STK10: variants seen among roughly 807,000 people sequenced by gnomAD.
STK10 encodes serine/threonine-protein kinase 10.
In STK10, 78 loss-of-function variants were observed where a neutral mutation model predicts 113.8. The observed-to-expected ratio is 0.69, with a 90% CI of 0.57 to 0.83. The LOEUF (loss-of-function observed/expected upper bound fraction) is 0.83, where lower values mean the gene tolerates loss of function less well. STK10 is among the 40% of genes least tolerant of loss of function. The probability of loss-of-function intolerance (pLI) is 0.00; values close to 1 mark genes in which losing one functional copy is unlikely to be tolerated. For missense variants in STK10, 1,109 were observed against 1,280.1 expected, an observed-to-expected ratio of 0.87 and a Z score of 2.04; for synonymous variants, 465 against 494.7, an observed-to-expected ratio of 0.94 and a Z score of 0.80.
Position 172,082,938 on chromosome 5 carries a change from G to T in STK10, c.1809+23C>A. ...ACCTGGAGGCAAGAAGCCCTGCAGG[G>T]TCCCATCTTTTCTCGCACTCACGTT... On this transcript the variant is annotated intron_variant, in intron 11 of 18. Coordinates refer to ENST00000176763, the MANE Select transcript of STK10 (RefSeq NM_005990.4). This position sits in a 1 kb window ranked among gnomAD's most constrained non-coding sequence, Gnocchi z 4.3. The T allele has an allele frequency of 1.2e-6, 2 of 1,610,490 alleles. No homozygotes were observed. Among genetic ancestry groups the T allele is most frequent in the South Asian group, 2.2e-5 (2 of 90,650 alleles).
chr5:172,100,424 C>T (rs913514026), intron 7 of STK10, among the ~76,000 whole-genome samples: 1 of 152,178 alleles, frequency 6.6e-6, no homozygotes, highest in Non-Finnish European at 1.5e-5. Context: ...AGAACTCAAG[C>T]CTACTTTTCC....
At chr5:172,185,025 G>T (rs562517895) in intron 1 of STK10, among the ~76,000 whole-genome samples, 4 of 152,104 alleles carry the variant, frequency 2.6e-5, no homozygotes, top group African/African-American at 4.8e-5. Context: ...AGACAGTATC[G>T]ATTGTGGATC....
intron 7 of STK10, among the ~76,000 whole-genome samples, chr5:172,099,903 T>G (rs1418878098): frequency 6.6e-6 from 1 of 152,244 alleles, no homozygotes; most frequent in Non-Finnish European, 1.5e-5. Flanking sequence ...CTCTGCTTTC[T>G]TGAGGCAGAA....
chr5:172,053,239 A>G (rs1482431951), intron 17 of STK10, 197 bp from the exon 18 acceptor site: 3 of 566,546 alleles, frequency 5.3e-6, no homozygotes, highest in Non-Finnish European at 9.4e-6. Flanking sequence ...AGTCCAGAAT[A>G]TGTTAATAGT....
intron 8 of STK10, 125 bp downstream of exon 8, chr5:172,096,301 C>A (rs1046461147): frequency 8.1e-6 from 12 of 1,476,614 alleles, no homozygotes; most frequent in Admixed American, 1.9e-5. Flanking sequence ...GAGTCTGCAA[C>A]CTCTGAGCTG....
In STK10 at chr5:172,146,580, G is replaced by C. The variant is rs561793978; in HGVS notation, c.321+10044C>G. On this transcript the variant is annotated intron_variant, in intron 2 of 18. Transcript: ENST00000176763. ...ATGAATCCAGAGTGGTCACCTGGCC[G>C]GGGCAGGACAAACCAGGGAGCATGT... is the stretch of plus-strand genomic sequence containing the variant. Among the ~76,000 whole-genome samples, 4 of 152,296 alleles carry C rather than the reference G, an allele frequency of 2.6e-5. No homozygotes were observed. In the East Asian group the frequency reaches 7.7e-4, roughly 29 times the overall value.
chr5:172,188,046 C>T lies in STK10; in HGVS notation c.-4G>A, dbSNP rs568450188. ...GGCGGAAATTGGCAAAAGCCATGGCCGGGGGCGCGGTGGCGCCGGCTCGGG... is the reference window on the plus strand; with the variant it reads ...GGCGGAAATTGGCAAAAGCCATGGCTGGGGGCGCGGTGGCGCCGGCTCGGG... On this transcript the variant is annotated 5_prime_UTR_variant, in exon 1 of 19. Transcript: ENST00000176763. This position sits in a 1 kb window ranked among gnomAD's most constrained non-coding sequence, Gnocchi z 5.6. 28 of 1,610,670 alleles carry T rather than the reference C, an allele frequency of 1.7e-5. No individual in the cohort carries two copies. In the African/African-American group the frequency reaches 3.6e-4, roughly 21 times the overall value.
chr5:172,067,923 A>C (rs1768103554), intron 12 of STK10, among the ~76,000 whole-genome samples: 1 of 152,206 alleles, frequency 6.6e-6, no homozygotes, highest in African/African-American at 2.4e-5. Context: ...AACACTAAAA[A>C]AATTCAGGAG....
At chr5:172,070,597 G>A (rs1768156074) in intron 12 of STK10, among the ~76,000 whole-genome samples, 1 of 151,956 alleles carries the variant, frequency 6.6e-6, no homozygotes, top group Non-Finnish European at 1.5e-5. Flanking sequence ...ACCATAAAAA[G>A]AAGAGCAATT....
At chr5:172,094,069 C>T (rs775011912) in intron 8 of STK10, 109 bp from the exon 9 acceptor site, 36 of 870,832 alleles carry the variant, frequency 4.1e-5, no homozygotes, top group African/African-American at 5.2e-5. Context: ...AGTGGGCCAG[C>T]GCCAAGAAAG....
rs555068518 is a variant in STK10 at position 172,133,640 on chromosome 5, T to G, written c.322-6219A>C. On this transcript the variant is annotated intron_variant, in intron 2 of 18. Transcript: ENST00000176763. The surrounding 1 kb of genome is among the most constrained non-coding windows in gnomAD (Gnocchi z 4.9). ...ACTCTGATGGTTGCAGGAAACCATG[T>G]TGCAACCACGAGAGAAGTGGGTGTG... Among the ~76,000 whole-genome samples the G allele has an allele frequency of 6.6e-6, 1 of 152,182 alleles. No homozygotes were observed. The highest frequency in any genetic ancestry group is 2.1e-4 in the South Asian group (1 of 4,832).
chr5:172,167,211 A>C (rs1770588690), intron 1 of STK10, among the ~76,000 whole-genome samples: 1 of 151,790 alleles, frequency 6.6e-6, no homozygotes, highest in Non-Finnish European at 1.5e-5. Flanking sequence ...TACTAGGATC[A>C]TGTTCAGTTT....
At chr5:172,065,541 G>A (rs1023581889) in intron 12 of STK10, among the ~76,000 whole-genome samples, 20 of 152,066 alleles carry the variant, frequency 1.3e-4, no homozygotes, top group Non-Finnish European at 2.6e-4. Flanking sequence ...GCATACTTTA[G>A]TATCCCCCTT....
At chr5:172,070,751 A>G (rs1561794855) in intron 12 of STK10, among the ~76,000 whole-genome samples, 1 of 152,098 alleles carries the variant, frequency 6.6e-6, no homozygotes, top group Admixed American at 6.6e-5. Context: ...GAGGAGAAGG[A>G]GGATGAGAAG....
chr5:172,070,824 C>A (rs1768161413), intron 12 of STK10, among the ~76,000 whole-genome samples: 1 of 151,926 alleles, frequency 6.6e-6, no homozygotes. Flanking sequence ...ATGCTACAGG[C>A]ATTAAAAGGA....
At chr5:172,113,562 A>T (rs1371097373) in intron 4 of STK10, among the ~76,000 whole-genome samples, 1 of 152,214 alleles carries the variant, frequency 6.6e-6, no homozygotes, top group Non-Finnish European at 1.5e-5. Context: ...CTGATATTCA[A>T]TGTTAAAAAC....
In STK10 at chr5:172,107,793, C is replaced by T. The variant is rs372811283; in HGVS notation, c.580G>A (p.Gly194Ser). Residue 194 changes from glycine (G) to serine (S), a missense_variant, in exon 5 of 19, where the codon GGC becomes AGC. Coordinates refer to ENST00000176763, the MANE Select transcript of STK10 (RefSeq NM_005990.4). ...KTLQKRDSFI[G>S]TPYWMAPEVV... ...TACACGACTCACCAGTAAGGCGTGC[C>T]GATGAAGGAATCTCGTTTCTGTAGA... 10 of 1,613,974 alleles carry T rather than the reference C, an allele frequency of 6.2e-6. No individual in the cohort carries two copies. The highest frequency in any genetic ancestry group is 1.3e-5 in the African/African-American group (1 of 74,900).
At chr5:172,116,622 C>A (rs1277360867) in intron 4 of STK10, among the ~76,000 whole-genome samples, 1 of 150,932 alleles carries the variant, frequency 6.6e-6, no homozygotes, top group Non-Finnish European at 1.5e-5. Context: ...AATCCCAGCA[C>A]TTTGGGAGGC....
In STK10 at chr5:172,044,849, C is replaced by T. The variant is rs761166161; in HGVS notation, c.*33G>A. 6 of 1,613,852 alleles carry T rather than the reference C, an allele frequency of 3.7e-6. No individual in the cohort carries two copies. Among genetic ancestry groups the T allele is most frequent in the Non-Finnish European group, 5.1e-6 (6 of 1,180,016 alleles). On this transcript the variant is annotated 3_prime_UTR_variant, in exon 19 of 19. Coordinates refer to ENST00000176763, the MANE Select transcript of STK10 (RefSeq NM_005990.4). The surrounding 1 kb of genome is among the most constrained non-coding windows in gnomAD (Gnocchi z 4.5). ...GAATGAAGGAGAAGGCCCTGGGGCC[C>T]ACCAAGCTGCCAGCCACAGCCCCGG...
Sources: gnomAD v4.1 joint callset for allele counts (sites outside exome capture counted in the v4.1 genomes callset) on GRCh38, gnomAD v4.1.1 for gene constraint, Gnocchi (gnomAD v3.1) non-coding constraint, MANE v1.5 for transcripts, NCBI Gene and HGNC (gene_info 2026-07-23, HGNC 2026-07-21) for gene names.